DLC1: variants seen among roughly 807,000 people sequenced by gnomAD.
DLC1 encodes the protein DLC1 Rho GTPase activating protein.
DLC1 carries 54 observed loss-of-function variants against 140.3 expected under a neutral mutation model. The observed-to-expected ratio is 0.38, with a 90% confidence interval of 0.31 to 0.48. The LOEUF (loss-of-function observed/expected upper bound fraction) is 0.48. Ranked by LOEUF, DLC1 falls within the 20% of genes least tolerant of loss-of-function variation. DLC1 has a pLI of 0.96. For missense variants in DLC1, 2,536 were observed against 1,907.0 expected, an observed-to-expected ratio of 1.33 and a Z score of -6.14; for synonymous variants, 986 against 728.1, an observed-to-expected ratio of 1.35 and a Z score of -5.70.
chr8:13,491,422 T>C (rs1031733160), intron 2 of DLC1, among the ~76,000 whole-genome samples: 5 of 152,122 alleles, frequency 3.3e-5, no homozygotes, highest in African/African-American at 1.2e-4. Flanking sequence ...ATGTGTATGT[T>C]ACTTACTTAT....
At chr8:13,411,165 A>T (rs926339133) in intron 2 of DLC1, among the ~76,000 whole-genome samples, 10 of 152,344 alleles carry the variant, frequency 6.6e-5, no homozygotes, top group Non-Finnish European at 1.5e-4. Context: ...GAACTAACCA[A>T]GATACCCTTC....
intron 5 of DLC1, among the ~76,000 whole-genome samples, chr8:13,251,171 T>C (rs1004560218): frequency 6.6e-6 from 1 of 152,180 alleles, no homozygotes; most frequent in Non-Finnish European, 1.5e-5. Context: ...GAGGACACTA[T>C]TCTTATTGGC....
intron 2 of DLC1, among the ~76,000 whole-genome samples, chr8:13,488,750 C>A (rs980780483): frequency 6.6e-6 from 1 of 152,098 alleles, no homozygotes; most frequent in African/African-American, 2.4e-5. Context: ...TCAAAACTTA[C>A]CGAAGTTAAT....
At chr8:13,450,132 T>C (rs1215872371) in intron 2 of DLC1, among the ~76,000 whole-genome samples, 1 of 151,962 alleles carries the variant, frequency 6.6e-6, no homozygotes, top group Admixed American at 6.6e-5. Flanking sequence ...AATAAATTTA[T>C]TGAGTAAAAT....
At chr8:13,309,541 C>A (rs1414598322) in intron 4 of DLC1, among the ~76,000 whole-genome samples, 1 of 152,114 alleles carries the variant, frequency 6.6e-6, no homozygotes, top group Non-Finnish European at 1.5e-5. Flanking sequence ...AATTTGCTTT[C>A]TTCTAATGAG....
intron 5 of DLC1, among the ~76,000 whole-genome samples, chr8:13,238,237 C>A (rs561262984): frequency 2.6e-5 from 4 of 152,194 alleles, no homozygotes; most frequent in African/African-American, 9.6e-5. Flanking sequence ...TCCCTAGACT[C>A]TGCAATAATA....
chr8:13,429,967 G>C (rs934201548), intron 2 of DLC1, among the ~76,000 whole-genome samples: 6 of 152,084 alleles, frequency 3.9e-5, no homozygotes, highest in African/African-American at 1.4e-4. Context: ...TGTGCATATA[G>C]GTGGTTCTTA....
chr8:13,600,817 T>G (rs1805851071), intron 1 of DLC1, among the ~76,000 whole-genome samples: 1 of 151,510 alleles, frequency 6.6e-6, no homozygotes, highest in South Asian at 2.1e-4. Context: ...AAGTGTAGAT[T>G]TATAAGCAAA....
intron 5 of DLC1, chr8:13,276,315 G>T: frequency 3.3e-6 from 5 of 1,535,394 alleles, no homozygotes; most frequent in Non-Finnish European, 4.4e-6. Flanking sequence ...GGCTCTGGCC[G>T]TGGAGTCCCT....
intron 2 of DLC1, among the ~76,000 whole-genome samples, chr8:13,470,423 C>G (rs889624888): frequency 3.9e-5 from 6 of 151,988 alleles, no homozygotes; most frequent in African/African-American, 1.2e-4. Context: ...GAGCCAAACC[C>G]CTCCTAATAA....
chr8:13,566,810 G>T, intron 1 of DLC1: 1 of 744,538 alleles, frequency 1.3e-6, no homozygotes, highest in South Asian at 2.6e-5. Context: ...CCGCATGGTG[G>T]CCAGTCACTG....
chr8:13,581,678 A>G (rs1449902651), intron 1 of DLC1, among the ~76,000 whole-genome samples: 2 of 152,186 alleles, frequency 1.3e-5, no homozygotes, highest in East Asian at 3.9e-4. Context: ...TACATAATGA[A>G]GGTAGGGTAA....
At chr8:13,093,587 A>G (rs1585588574) in intron 12 of DLC1, among the ~76,000 whole-genome samples, 1 of 152,228 alleles carries the variant, frequency 6.6e-6, no homozygotes, top group African/African-American at 2.4e-5. Flanking sequence ...TCTTTAAAAG[A>G]GCATGTGGTG....
intron 2 of DLC1, among the ~76,000 whole-genome samples, chr8:13,412,893 C>G (rs1563326053): frequency 7.1e-6 from 1 of 140,068 alleles, no homozygotes; most frequent in African/African-American, 2.7e-5. Flanking sequence ...GATCGTGCCA[C>G]TGCACTCCAG....
At chr8:13,152,181 A>T (rs1585780592) in intron 5 of DLC1, among the ~76,000 whole-genome samples, 1 of 152,376 alleles carries the variant, frequency 6.6e-6, no homozygotes, top group South Asian at 2.1e-4. Context: ...CAAAGTCCAG[A>T]GCCTTCAAAA....
chr8:13,488,179 A>T (rs1363748083), intron 2 of DLC1, among the ~76,000 whole-genome samples: 1 of 152,220 alleles, frequency 6.6e-6, no homozygotes, highest in Non-Finnish European at 1.5e-5. Context: ...ACAGTGTATT[A>T]AAAACATTCC....
intron 2 of DLC1, among the ~76,000 whole-genome samples, chr8:13,465,673 T>A (rs934462391): frequency 3.7e-4 from 57 of 152,316 alleles, no homozygotes; most frequent in African/African-American, 1.3e-3. Context: ...CTACTGTCAT[T>A]TTATTTTAAA....
chr8:13,157,464 C>CA (rs1289993180), intron 5 of DLC1, among the ~76,000 whole-genome samples: 6 of 147,794 alleles, frequency 4.1e-5, no homozygotes, highest in Non-Finnish European at 7.4e-5. Flanking sequence ...AGGTGAGGAA[C>CA]AAAAAAAGGC....
chr8:13,162,310 TTTG>T (rs142702369), intron 5 of DLC1, among the ~76,000 whole-genome samples: 58,164 of 151,236 alleles, frequency 0.38, 12,167 homozygotes, highest in East Asian at 0.83. Context: ...TAGTCTACAG[TTTG>T]TTGTTGTTGT....
Sources: gnomAD v4.1 joint callset for allele counts (sites outside exome capture counted in the v4.1 genomes callset) on GRCh38, gnomAD v4.1.1 for gene constraint, MANE v1.5 for transcripts, NCBI Gene and HGNC (gene_info 2026-07-23, HGNC 2026-07-21) for gene names.